Variants in FAM184B observed in about 807,000 individuals in gnomAD.
The protein encoded by FAM184B is protein FAM184B.
A neutral mutation model predicts 135.9 loss-of-function variants in FAM184B; 111 were observed. The observed-to-expected ratio is 0.82, with a 90% CI of 0.70 to 0.96. The LOEUF (loss-of-function observed/expected upper bound fraction) is 0.96, where lower values mean the gene tolerates loss of function less well. Ranked by LOEUF, FAM184B falls within the 40% of genes least tolerant of loss-of-function variation. The pLI is 0.00. For missense variants in FAM184B, 1,375 were observed against 1,323.9 expected (o/e 1.04, Z -0.60); for synonymous variants, 552 against 524.8 (o/e 1.05, Z -0.71).
chr4:17,640,548 A>G (rs993954755), intron 13 of FAM184B, among the ~76,000 whole-genome samples: 1 of 149,736 alleles, frequency 6.7e-6, no homozygotes, highest in Non-Finnish European at 1.5e-5. Context: ...GGGCCAACAC[A>G]ACAGGGTTCA....
At chr4:17,739,414 G>C (rs796791868) in intron 1 of FAM184B, among the ~76,000 whole-genome samples, 1 of 152,076 alleles carries the variant, frequency 6.6e-6, no homozygotes, top group East Asian at 1.9e-4. Flanking sequence ...ATCTCCACAG[G>C]TGTTCATTAT....
intron 16 of FAM184B, 100 bp downstream of exon 16, chr4:17,634,909 T>C (rs1205134991): frequency 2.8e-6 from 2 of 711,580 alleles, no homozygotes; most frequent in South Asian, 2.4e-5. Context: ...TGAATATTTT[T>C]CTGAGCGTAC....
intron 1 of FAM184B, among the ~76,000 whole-genome samples, chr4:17,729,205 C>A (rs1373790912): frequency 6.6e-6 from 1 of 152,192 alleles, no homozygotes; most frequent in African/African-American, 2.4e-5. Flanking sequence ...GGGGGAGGGG[C>A]GCCTGCCATT....
chr4:17,661,325 T>C (rs532711651), intron 8 of FAM184B, among the ~76,000 whole-genome samples: 2,265 of 150,952 alleles, frequency 0.015, 26 homozygotes, highest in Non-Finnish European at 0.021. Context: ...CAGAGGCGGG[T>C]GGATGACCTG....
chr4:17,688,357 G>A, intron 7 of FAM184B, 67 bp downstream of exon 7: 2 of 1,193,694 alleles, frequency 1.7e-6, no homozygotes, highest in South Asian at 1.4e-5. Flanking sequence ...GTGTTACTGG[G>A]GACACTGAAA....
intron 5 of FAM184B, among the ~76,000 whole-genome samples, chr4:17,703,886 G>A (rs551255476): frequency 2.1e-5 from 3 of 144,420 alleles, no homozygotes; most frequent in Non-Finnish European, 3.1e-5. Context: ...AGCCGAGATT[G>A]CGTCACTGCA....
rs761404435 is a variant in FAM184B at position 17,664,627 on chromosome 4, C to G, written c.1629G>C (p.Pro543=). The G allele has an allele frequency of 1.1e-5, 17 of 1,550,560 alleles. No individual in the cohort carries two copies. The highest frequency in any genetic ancestry group is 1.4e-5 in the Non-Finnish European group (16 of 1,146,890). The change falls in exon 8 of 18, where the codon CCG becomes CCC. Residue 543 remains proline, a synonymous_variant. Transcript: ENST00000265018. ...DPCLKLDETS[P]RGEEYQDKLA... Reference sequence around the variant, plus strand: ...ACTTATCTTGATACTCCTCTCCTCTCGGCGAAGTTTCATCCAGCTTCAAGC... The same window carrying G: ...ACTTATCTTGATACTCCTCTCCTCTGGGCGAAGTTTCATCCAGCTTCAAGC...
intron 1 of FAM184B, among the ~76,000 whole-genome samples, chr4:17,769,520 G>A (rs924295561): frequency 2.0e-5 from 3 of 152,142 alleles, no homozygotes; most frequent in Middle Eastern, 3.2e-3. Flanking sequence ...AATAGATCCC[G>A]TCATTGTGGT....
At chr4:17,661,962 A>T (rs1462168965) in intron 8 of FAM184B, among the ~76,000 whole-genome samples, 1 of 152,226 alleles carries the variant, frequency 6.6e-6, no homozygotes, top group African/African-American at 2.4e-5. Context: ...ATATACAACC[A>T]TGAAACCAAC....
intron 13 of FAM184B, among the ~76,000 whole-genome samples, chr4:17,640,264 A>C (rs1715269273): frequency 6.7e-6 from 1 of 148,778 alleles, no homozygotes; most frequent in South Asian, 2.2e-4. Context: ...CGAGGACAGG[A>C]GTTCGAGACC....
At chr4:17,711,435 G>A (rs1031806041) in intron 1 of FAM184B, among the ~76,000 whole-genome samples, 8 of 151,976 alleles carry the variant, frequency 5.3e-5, no homozygotes, top group South Asian at 2.1e-4. Context: ...CAGAGATTGC[G>A]CCACTGCACT....
chr4:17,707,080 G>C (rs554925527), intron 3 of FAM184B, among the ~76,000 whole-genome samples: 40 of 152,050 alleles, frequency 2.6e-4, no homozygotes, highest in African/African-American at 8.7e-4. Flanking sequence ...GAGCCACCAT[G>C]CCTGGCCTGT....
chr4:17,750,398 C>T (rs1718267169), intron 1 of FAM184B, among the ~76,000 whole-genome samples: 4 of 152,150 alleles, frequency 2.6e-5, no homozygotes, highest in Non-Finnish European at 5.9e-5. Flanking sequence ...AAAAAATGAA[C>T]TAAAACATTT....
Position 17,636,583 on chromosome 4 carries a change from A to G in FAM184B, c.2729T>C (p.Ile910Thr), listed in dbSNP as rs530812460. 30 of 1,551,164 alleles carry G rather than the reference A, an allele frequency of 1.9e-5. No homozygotes were observed. The highest frequency in any genetic ancestry group is 3.3e-4 in the Middle Eastern group (2 of 5,992). ...GASRPEDLQLIGRLQTRLKER... is the reference protein window; with the variant it reads ...GASRPEDLQLTGRLQTRLKER... ...CTTCAGGCGGGTCTGCAGGCGGCCA[A>G]TGAGCTGAAGGTCCTCGGGCCTGGA... Residue 910 changes from isoleucine to threonine, a missense_variant, in exon 15 of 18, where the codon ATT becomes ACT. By Grantham distance (89) the Ile-to-Thr change is moderately conservative. Coordinates refer to ENST00000265018, the MANE Select transcript of FAM184B (RefSeq NM_015688.2).
chr4:17,649,144 A>C (rs1671243732), intron 11 of FAM184B, among the ~76,000 whole-genome samples: 1 of 152,200 alleles, frequency 6.6e-6, no homozygotes, highest in Admixed American at 6.5e-5. Context: ...TATATTTGTA[A>C]AATAAACAAA....
chr4:17,639,525 A>C, intron 13 of FAM184B, 129 bp from the exon 14 acceptor site: 1 of 1,118,820 alleles, frequency 8.9e-7, no homozygotes, highest in Non-Finnish European at 1.3e-6. Context: ...TGATCTAAGG[A>C]CACCTGTGGG....
At position 17,671,212 on chromosome 4, in the gene FAM184B, T is replaced by C. The variant is rs144110056; in HGVS notation, c.1597-6553A>G. On this transcript the variant is annotated intron_variant, in intron 7 of 17. Transcript: ENST00000265018. ...CCCCTGGTGAAGTACCATATGATCA[T>C]GAAGAGACCCCCTACACCAGCTTCA... 6.6e-5 allele frequency among the ~76,000 whole-genome samples: 10 copies of C among 152,136 alleles called. No homozygotes were observed. The East Asian group carries it at 1.6e-3, about 24-fold the overall frequency.
chr4:17,649,598 A>C (rs1244721186), intron 11 of FAM184B, among the ~76,000 whole-genome samples: 2 of 151,990 alleles, frequency 1.3e-5, no homozygotes, highest in Non-Finnish European at 2.9e-5. Flanking sequence ...AAAAAAAAAA[A>C]AATTTACTTC....
chr4:17,781,358 G>C lies in FAM184B; in HGVS notation c.-59C>G. On this transcript the variant is annotated 5_prime_UTR_variant, in exon 1 of 18. Transcript: ENST00000265018. This position sits in a 1 kb window ranked among gnomAD's most constrained non-coding sequence, Gnocchi z 6.5. The stretch of plus-strand genomic sequence containing the variant: ...TTTTCTCCCTGCCCACCGTGTGCAC[G>C]TGCGTGCGCGCGCGGGCGTGCGAGC... 1 of 1,430,188 alleles carries C rather than the reference G, an allele frequency of 7.0e-7. No homozygotes were observed. The highest frequency in any genetic ancestry group is 9.2e-7 in the Non-Finnish European group (1 of 1,085,416). 88.6% of individuals were successfully genotyped at this position (1,430,188 alleles called of 1,614,324 possible).
Sources: gnomAD v4.1 joint callset for allele counts (sites outside exome capture counted in the v4.1 genomes callset) on GRCh38, gnomAD v4.1.1 for gene constraint, Gnocchi (gnomAD v3.1) non-coding constraint, MANE v1.5 for transcripts, NCBI Gene and HGNC (gene_info 2026-07-23, HGNC 2026-07-21) for gene names.